The following RIOX1 variants were observed in gnomAD, a reference collection of about 807,000 sequenced individuals.
RIOX1 encodes 60S ribosomal protein L8 histidine hydroxylase.
RIOX1 carries 33 observed loss-of-function variants against 44.6 expected under a neutral mutation model. The observed-to-expected ratio is 0.74, with a 90% CI of 0.56 to 0.99. RIOX1 has a LOEUF of 0.99. Ranked by LOEUF, RIOX1 falls within the 50% of genes least tolerant of loss-of-function variation. RIOX1 has a pLI of 0.00. For missense variants in RIOX1, 821 were observed against 871.7 expected (o/e 0.94, Z 0.73); for synonymous variants, 387 against 395.8 (o/e 0.98, Z 0.26).
chr14:73,491,562 A>T lies in RIOX1; in HGVS notation c.545A>T (p.Asp182Val). The T allele has an allele frequency of 6.5e-7, 1 of 1,538,684 alleles. No individual in the cohort carries two copies. Among genetic ancestry groups the T allele is most frequent in the African/African-American group, 1.4e-5 (1 of 72,514 alleles). ...VDNTGGEPAW[D>V]SPLRRVLAEL... ...AACACGGGTGGGGAGCCGGCCTGGG[A>T]CTCCCCGCTGCGGCGCGTCTTGGCC... Residue 182 changes from aspartate (D) to valine (V), a missense_variant, in exon 1 of 1, where the codon GAC becomes GTC. Around this residue, in one of 2 missense-constraint regions of RIOX1, gnomAD observed 554 missense variants for 531.2 expected, o/e 1.04. Transcript: ENST00000304061.
Position 73,492,738 on chromosome 14 carries a change from C to G in RIOX1, c.1721C>G (p.Ser574Cys). The change falls in exon 1 of 1, where the codon TCC becomes TGC. Residue 574 changes from serine to cysteine, a missense_variant. Transcript: ENST00000304061. This position sits in a 1 kb window ranked among gnomAD's most constrained non-coding sequence, Gnocchi z 4.9. ...HLFLYYTVEN[S>C]RVYHLEEPKC... ...TTTCTCTATTACACAGTGGAAAACT[C>G]CCGTGTGTATCATCTGGAAGAACCC... 2.5e-6 allele frequency: 4 copies of G among 1,613,884 alleles called. No individual in the cohort carries two copies. The highest frequency in any genetic ancestry group is 2.5e-6 in the Non-Finnish European group (3 of 1,179,882).
At position 73,491,722 on chromosome 14, in the gene RIOX1, C is replaced by T; in HGVS notation, c.705C>T (p.His235=). The T allele has an allele frequency of 1.3e-6, 2 of 1,551,676 alleles. No homozygotes were observed. Among genetic ancestry groups the T allele is most frequent in the Admixed American group, 2.0e-5 (1 of 51,116 alleles). The change falls in exon 1 of 1, where the codon CAC becomes CAT. Residue 235 remains histidine, a synonymous_variant. Transcript: ENST00000304061. ...CGGTGCTGGTGCGGCGGCAGGACCA[C>T]ACCTACTACCAGGGACTTTTCTCTA... The part of the protein sequence containing the change: ...REAVLVRRQD[H]TYYQGLFSTA...
chr14:73,492,975 G>A lies in RIOX1; in HGVS notation c.*32G>A, dbSNP rs1434450697. ...GTTGATTGCTGGAAACAAGGCAGTA[G>A]TGATTCTCCGCTGCCACTGCTACCT... On this transcript the variant is annotated 3_prime_UTR_variant, in exon 1 of 1. Coordinates refer to ENST00000304061, the MANE Select transcript of RIOX1 (RefSeq NM_024644.5). The surrounding 1 kb of genome is among the most constrained non-coding windows in gnomAD (Gnocchi z 4.9). The A allele has an allele frequency of 1.3e-6, 2 of 1,595,686 alleles. No homozygotes were observed. The highest frequency in any genetic ancestry group is 2.7e-5 in the African/African-American group (2 of 73,330).
At position 73,492,491 on chromosome 14, in the gene RIOX1, G is replaced by A. The variant is rs764976656; in HGVS notation, c.1474G>A (p.Ala492Thr). Reference protein sequence around the residue: ...RVLVARLGHFAPVDAVADQRA... With the variant: ...RVLVARLGHFTPVDAVADQRA... ...CTTGGTTGCCCGCCTGGGACACTTT[G>A]CTCCTGTTGATGCTGTGGCCGACCA... Residue 492 changes from alanine to threonine, a missense_variant, in exon 1 of 1, where the codon GCT (alanine) becomes ACT (threonine). By Grantham distance (58) the Ala-to-Thr change is moderately conservative. Around this residue, in one of 2 missense-constraint regions of RIOX1, gnomAD observed 267 missense variants for 340.5 expected, o/e 0.78. Coordinates refer to ENST00000304061, the MANE Select transcript of RIOX1 (RefSeq NM_024644.5). This position sits in a 1 kb window ranked among gnomAD's most constrained non-coding sequence, Gnocchi z 4.9. The A allele has an allele frequency of 6.2e-7, 1 of 1,613,710 alleles. No homozygotes were observed. Among genetic ancestry groups the A allele is most frequent in the East Asian group, 2.2e-5 (1 of 44,882 alleles).
At position 73,492,076 on chromosome 14, in the gene RIOX1, T is replaced by C. The variant is rs1411203376; in HGVS notation, c.1059T>C (p.Gly353=). The change falls in exon 1 of 1, where the codon GGT becomes GGC. Residue 353 remains glycine (G), a synonymous_variant. Coordinates refer to ENST00000304061, the MANE Select transcript of RIOX1 (RefSeq NM_024644.5). This position sits in a 1 kb window ranked among gnomAD's most constrained non-coding sequence, Gnocchi z 4.9. ...AGGCCTTCGTGCTGCAGCTGGAAGG[T>C]AGGAAACTCTGGCGTGTATACCGAC... is the stretch of plus-strand genomic sequence containing the variant. ...DIEAFVLQLE[G]RKLWRVYRPR... 1.2e-6 allele frequency: 2 copies of C among 1,613,818 alleles called. No individual in the cohort carries two copies. Among genetic ancestry groups the C allele is most frequent in the East Asian group, 2.2e-5 (1 of 44,870 alleles).
chr14:73,492,067 G>A lies in RIOX1; in HGVS notation c.1050G>A (p.Gln350=), dbSNP rs1368555560. The A allele has an allele frequency of 6.2e-7, 1 of 1,614,028 alleles. No homozygotes were observed. Among genetic ancestry groups the A allele is most frequent in the Non-Finnish European group, 8.5e-7 (1 of 1,179,902 alleles). Residue 350 remains glutamine, a synonymous_variant, in exon 1 of 1, where the codon CAG becomes CAA. Coordinates refer to ENST00000304061, the MANE Select transcript of RIOX1 (RefSeq NM_024644.5). This position sits in a 1 kb window ranked among gnomAD's most constrained non-coding sequence, Gnocchi z 4.9. ...ACGACATCGAGGCCTTCGTGCTGCA[G>A]CTGGAAGGTAGGAAACTCTGGCGTG... is the stretch of plus-strand genomic sequence containing the variant. ...HYDDIEAFVL[Q]LEGRKLWRVY... is the part of the protein sequence containing the mutation.
At position 73,492,410 on chromosome 14, in the gene RIOX1, C is replaced by T. The variant is rs900665392; in HGVS notation, c.1393C>T (p.Gln465Ter). 1 of 1,613,796 alleles carries T rather than the reference C, an allele frequency of 6.2e-7. No individual in the cohort carries two copies. Among genetic ancestry groups the T allele is most frequent in the Non-Finnish European group, 8.5e-7 (1 of 1,179,754 alleles). ...PRDFMDYMGA[Q>*]HSDSKDPRRT... ...AGACTTCATGGATTACATGGGGGCC[C>T]AGCATTCAGATTCTAAGGATCCGCG... Residue 465 changes from glutamine to a stop codon, truncating the protein, a stop_gained, in exon 1 of 1, where the codon CAG (glutamine) becomes TAG (stop). Transcript: ENST00000304061. LOFTEE classifies it high-confidence loss of function. The surrounding 1 kb of genome is among the most constrained non-coding windows in gnomAD (Gnocchi z 4.9).
Position 73,493,164 on chromosome 14 carries a change from A to AAAACCC in RIOX1, c.*222_*227dup, listed in dbSNP as rs781481810. 6.4e-7 allele frequency: 1 copy of AAAACCC among 1,554,012 alleles called. No individual in the cohort carries two copies. The highest frequency in any genetic ancestry group is 1.4e-5 in the African/African-American group (1 of 73,574). ...AAAAGGAGAAGTTGGAGGTGGAAAA[A>AAAACCC]AAACCCTTGATCCGTGATCATTTCA... On this transcript the variant is annotated 3_prime_UTR_variant, in exon 1 of 1. Transcript: ENST00000304061.
At position 73,493,086 on chromosome 14, in the gene RIOX1, C is replaced by T. The variant is rs368459350; in HGVS notation, c.*143C>T. On this transcript the variant is annotated 3_prime_UTR_variant, in exon 1 of 1. Coordinates refer to ENST00000304061, the MANE Select transcript of RIOX1 (RefSeq NM_024644.5). ...TTTACCTTTATCACTGCTTCAGTGT[C>T]ACAAACCTCGGAAGGTCTTCTAGGA... 1.3e-5 allele frequency: 21 copies of T among 1,610,446 alleles called. No individual in the cohort carries two copies. Among genetic ancestry groups the T allele is most frequent in the Middle Eastern group, 1.6e-4 (1 of 6,080 alleles).
rs546566336 is a variant in RIOX1, at chr14:73,491,501, G to C, written c.484G>C (p.Gly162Arg). 3 of 1,511,954 alleles carry C rather than the reference G, an allele frequency of 2.0e-6. No individual in the cohort carries two copies. The highest frequency in any genetic ancestry group is 2.6e-6 in the Non-Finnish European group (3 of 1,135,804). The allele number at this position is 1,511,954 out of a possible 1,614,324, so 93.7% of individuals were successfully genotyped here. The change falls in exon 1 of 1, where the codon GGG becomes CGG. Residue 162 changes from glycine (G) to arginine (R), a missense_variant. By Grantham distance (125) the Gly-to-Arg change is moderately radical. Transcript: ENST00000304061. ...AQHLAAVQSS[G>R]APATASGPQV... Reference sequence around the variant, plus strand: ...ACACTTAGCGGCCGTCCAGTCGTCCGGGGCCCCTGCGACGGCGTCGGGGCC... The same window carrying C: ...ACACTTAGCGGCCGTCCAGTCGTCCCGGGCCCCTGCGACGGCGTCGGGGCC...
chr14:73,491,790 T>A lies in RIOX1; in HGVS notation c.773T>A (p.Phe258Tyr), dbSNP rs751726471. 5.0e-6 allele frequency: 8 copies of A among 1,586,276 alleles called. No individual in the cohort carries two copies. The highest frequency in any genetic ancestry group is 6.9e-6 in the Non-Finnish European group (8 of 1,167,304). Residue 258 changes from phenylalanine (F) to tyrosine (Y), a missense_variant, in exon 1 of 1, where the codon TTC (phenylalanine) becomes TAC (tyrosine). Phe to Tyr is a conservative substitution (Grantham distance 22). Coordinates refer to ENST00000304061, the MANE Select transcript of RIOX1 (RefSeq NM_024644.5). ...DSMLRNEEVQ[F>Y]GQHLDAARYI... ...ATGCTGCGCAACGAGGAGGTGCAGT[T>A]CGGCCAGCATTTGGACGCCGCTCGC...
In RIOX1 at chr14:73,493,028, G is replaced by A. The variant is rs1266842689; in HGVS notation, c.*85G>A. The A allele has an allele frequency of 5.2e-6, 8 of 1,534,180 alleles. No individual in the cohort carries two copies. The highest frequency in any genetic ancestry group is 2.1e-5 in the Admixed American group (1 of 47,546). ...TTTTTTTTTTTTTCCTTAAACTCAC[G>A]TTCTTACCTTGATAAGCATCAGTGT... On this transcript the variant is annotated 3_prime_UTR_variant, in exon 1 of 1. Coordinates refer to ENST00000304061, the MANE Select transcript of RIOX1 (RefSeq NM_024644.5).
chr14:73,491,180 A>G lies in RIOX1; in HGVS notation c.163A>G (p.Thr55Ala). The change falls in exon 1 of 1, where the codon ACG (threonine) becomes GCG (alanine). Residue 55 changes from threonine (T) to alanine (A), a missense_variant. Thr to Ala is a moderately conservative substitution (Grantham distance 58). Transcript: ENST00000304061. ...TGTATCCCGCATGGCAGCGCTGAGG[A>G]CGCAGACGCTGCCTAGCGAGAACTC... Reference protein sequence around the residue: ...SVVSRMAALRTQTLPSENSEE... With the variant: ...SVVSRMAALRAQTLPSENSEE... 6.3e-7 allele frequency: 1 copy of G among 1,598,996 alleles called. No homozygotes were observed. Among genetic ancestry groups the G allele is most frequent in the Non-Finnish European group, 8.5e-7 (1 of 1,172,898 alleles).
rs1235190415 is a variant in RIOX1, at chr14:73,491,718, A to C, written c.701A>C (p.Asp234Ala). ...EREAVLVRRQ[D>A]HTYYQGLFST... The stretch of plus-strand genomic sequence containing the variant: ...GAGGCGGTGCTGGTGCGGCGGCAGG[A>C]CCACACCTACTACCAGGGACTTTTC... Residue 234 changes from aspartate (D) to alanine (A), a missense_variant, in exon 1 of 1, where the codon GAC becomes GCC. Coordinates refer to ENST00000304061, the MANE Select transcript of RIOX1 (RefSeq NM_024644.5). 2 of 1,551,146 alleles carry C rather than the reference A, an allele frequency of 1.3e-6. No individual in the cohort carries two copies. Among genetic ancestry groups the C allele is most frequent in the Non-Finnish European group, 1.7e-6 (2 of 1,147,438 alleles).
Position 73,491,094 on chromosome 14 carries a change from G to A in RIOX1, c.77G>A (p.Ser26Asn), listed in dbSNP as rs775642569. The A allele has an allele frequency of 1.9e-6, 3 of 1,600,836 alleles. No homozygotes were observed. In the South Asian group the frequency reaches 3.4e-5, roughly 18 times the overall value. The change falls in exon 1 of 1, where the codon AGC becomes AAC. Residue 26 changes from serine (S) to asparagine (N), a missense_variant. This residue lies in a region of RIOX1 where 554 missense variants were observed against 531.2 expected (regional missense o/e 1.04). Transcript: ENST00000304061. ...CGCCGGCGCAAGCCCCAGCCACACA[G>A]CGGGTCGGTCCTGGCCCTGCCCTTG... The part of the protein sequence containing the change: ...PKRRRKPQPH[S>N]GSVLALPLRS...
chr14:73,491,871 C>T lies in RIOX1; in HGVS notation c.854C>T (p.Ala285Val), dbSNP rs1201837796. ...LNPPGRALPA[A>V]AWSLYQAGCS... ...CCACCCGGCCGCGCGCTGCCCGCCG[C>T]CGCGTGGTCCCTGTACCAGGCCGGC... The change falls in exon 1 of 1, where the codon GCC becomes GTC. Residue 285 changes from alanine (A) to valine (V), a missense_variant. Coordinates refer to ENST00000304061, the MANE Select transcript of RIOX1 (RefSeq NM_024644.5). 4 of 1,611,140 alleles carry T rather than the reference C, an allele frequency of 2.5e-6. No individual in the cohort carries two copies. Among genetic ancestry groups the T allele is most frequent in the Admixed American group, 1.7e-5 (1 of 59,458 alleles).
rs746737451 is a variant in RIOX1 at position 73,491,494 on chromosome 14, G to C, written c.477G>C (p.Gln159His). ...CCGCGCAACACTTAGCGGCCGTCCA[G>C]TCGTCCGGGGCCCCTGCGACGGCGT... ...LCTAQHLAAV[Q>H]SSGAPATASG... Residue 159 changes from glutamine to histidine, a missense_variant, in exon 1 of 1, where the codon CAG becomes CAC. Physicochemically the swap from Gln to His is conservative, Grantham distance 24. Coordinates refer to ENST00000304061, the MANE Select transcript of RIOX1 (RefSeq NM_024644.5). The C allele has an allele frequency of 2.7e-6, 4 of 1,506,900 alleles. No homozygotes were observed. In the African/African-American group the frequency reaches 5.6e-5, roughly 21 times the overall value. The allele number at this position is 1,506,900 out of a possible 1,614,324, so 93.3% of individuals were successfully genotyped here.
rs371725887 is a variant in RIOX1, at chr14:73,493,027, C to T, written c.*84C>T. On this transcript the variant is annotated 3_prime_UTR_variant, in exon 1 of 1. Coordinates refer to ENST00000304061, the MANE Select transcript of RIOX1 (RefSeq NM_024644.5). ...TTTTTTTTTTTTTTCCTTAAACTCACGTTCTTACCTTGATAAGCATCAGTG... is the reference window on the plus strand; with the variant it reads ...TTTTTTTTTTTTTTCCTTAAACTCATGTTCTTACCTTGATAAGCATCAGTG... 3.2e-6 allele frequency: 5 copies of T among 1,564,546 alleles called. No individual in the cohort carries two copies. Among genetic ancestry groups the T allele is most frequent in the South Asian group, 1.2e-5 (1 of 85,118 alleles).
Position 73,491,324 on chromosome 14 carries a change from G to T in RIOX1, c.307G>T (p.Ala103Ser). ...AGAGCCATACGGCCACCTGGGGCCCGCAGAGCTGCTGGAGGCCTCGCCCGC... is the reference window on the plus strand; with the variant it reads ...AGAGCCATACGGCCACCTGGGGCCCTCAGAGCTGCTGGAGGCCTCGCCCGC... ...RREPYGHLGP[A>S]ELLEASPAAR... The change falls in exon 1 of 1, where the codon GCA (alanine) becomes TCA (serine). Residue 103 changes from alanine to serine, a missense_variant. This residue lies in a region of RIOX1 where 554 missense variants were observed against 531.2 expected (regional missense o/e 1.04). Transcript: ENST00000304061. The T allele has an allele frequency of 6.7e-7, 1 of 1,499,226 alleles. No homozygotes were observed. Among genetic ancestry groups the T allele is most frequent in the Non-Finnish European group, 8.9e-7 (1 of 1,125,478 alleles). 92.9% of individuals were successfully genotyped at this position (1,499,226 alleles called of 1,614,324 possible). A position where few individuals can be genotyped will look rare whatever the true frequency, so the allele number is the denominator to read the frequency against.
Sources: gnomAD v4.1 joint callset for allele counts on GRCh38, gnomAD v4.1.1 for gene constraint, gnomAD v4.1.1 regional missense constraint, Gnocchi (gnomAD v3.1) non-coding constraint, MANE v1.5 for transcripts, NCBI Gene and HGNC (gene_info 2026-07-23, HGNC 2026-07-21) for gene names.